Variants in LZTR1 observed in about 807,000 individuals in gnomAD.
LZTR1 encodes the protein leucine-zipper-like transcriptional regulator 1.
A neutral mutation model predicts 105.7 loss-of-function variants in LZTR1; 260 were observed. The ratio of observed to expected loss-of-function variants is 2.46; its 90% CI spans 2.22 to 2.72. The LOEUF is 2.72. Ranked by LOEUF, LZTR1 falls within the 30% of genes most tolerant of loss-of-function variation. The probability of loss-of-function intolerance (pLI) is 0.00; values close to 1 mark genes in which losing one functional copy is unlikely to be tolerated. For missense variants in LZTR1, 1,214 were observed against 1,166.9 expected, an observed-to-expected ratio of 1.04 and a Z score of -0.59; for synonymous variants, 490 against 476.4, an observed-to-expected ratio of 1.03 and a Z score of -0.37.
chr22:20,997,781 G>A lies in LZTR1; in HGVS notation c.*433G>A, dbSNP rs1006795349. 2.4e-5 allele frequency: 4 copies of A among 169,356 alleles called. No individual in the cohort carries two copies. The highest frequency in any genetic ancestry group is 3.9e-5 in the Non-Finnish European group (3 of 77,910). The allele number at this position is 169,356 out of a possible 1,614,324, so 10.5% of individuals were successfully genotyped here. A position where few individuals can be genotyped will look rare whatever the true frequency, so the allele number is the denominator to read the frequency against. ...GCGGGAGGAGGCTTAGCAGACTTGC[G>A]CTGCACCAGCGAATCTGCCTGGGCT... On this transcript the variant is annotated 3_prime_UTR_variant, in exon 21 of 21. Transcript: ENST00000646124.
In LZTR1 at chr22:20,993,926, G is replaced by A. The variant is rs1303355542; in HGVS notation, c.1356G>A (p.Lys452=). ...CCAGTGCATCATTCTTTGTGCAGAA[G>A]GAGGAGTGCGTGCAGGGCCACGTAG... The part of the protein sequence containing the change: ...FCDVEFVLGE[K]EECVQGHVAI... Residue 452 remains lysine (K), a splice_region_variant and synonymous_variant, in exon 13 of 21, where the codon AAG becomes AAA. Coordinates refer to ENST00000646124, the MANE Select transcript of LZTR1 (RefSeq NM_006767.4). 6.2e-7 allele frequency: 1 copy of A among 1,611,678 alleles called. No individual in the cohort carries two copies. The highest frequency in any genetic ancestry group is 2.2e-5 in the East Asian group (1 of 44,866).
rs757928335 is a variant in LZTR1 at position 20,994,958 on chromosome 22, T to C, written c.1874T>C (p.Ile625Thr). 2.5e-6 allele frequency: 4 copies of C among 1,612,488 alleles called. No homozygotes were observed. The highest frequency in any genetic ancestry group is 3.3e-5 in the Admixed American group (2 of 60,024). Reference protein sequence around the residue: ...KEFERLSSPLIVEIVRRKQQP... With the variant: ...KEFERLSSPLTVEIVRRKQQP... The stretch of plus-strand genomic sequence containing the variant: ...TTCGAGCGCCTCTCCTCTCCACTGA[T>C]AGTGGAGATTGTGCGGCGGAAGCAG... The change falls in exon 16 of 21, where the codon ATA (isoleucine) becomes ACA (threonine). Residue 625 changes from isoleucine to threonine, a missense_variant. Coordinates refer to ENST00000646124, the MANE Select transcript of LZTR1 (RefSeq NM_006767.4).
intron 2 of LZTR1, among the ~76,000 whole-genome samples, chr22:20,983,765 A>G (rs1254373133): frequency 6.6e-6 from 1 of 152,206 alleles, no homozygotes; most frequent in Admixed American, 6.5e-5. Context: ...GGACCCCACC[A>G]GGATCTGCAT....
Position 20,997,671 on chromosome 22 carries a change from C to T in LZTR1, c.*323C>T. ...GTGGGGAGAGACTTTGGGCCTCCCA[C>T]CCAGTGGGGCTTGGCCTGGCTTCTG... On this transcript the variant is annotated 3_prime_UTR_variant, in exon 21 of 21. Transcript: ENST00000646124. The T allele has an allele frequency of 4.1e-6, 1 of 242,596 alleles. No individual in the cohort carries two copies. Among genetic ancestry groups the T allele is most frequent in the Non-Finnish European group, 8.2e-6 (1 of 121,914 alleles). The allele number at this position is 242,596 out of a possible 1,614,324, so 15.0% of individuals were successfully genotyped here.
Position 20,996,045 on chromosome 22 carries a change from C to G in LZTR1, c.2152C>G (p.Gln718Glu), listed in dbSNP as rs767482247. ...ISIGEMVPSRQAFESMLRYIY... is the reference protein window; with the variant it reads ...ISIGEMVPSREAFESMLRYIY... ...CATCGGGGAGATGGTGCCCAGCAGG[C>G]AGGCCTTCGAGTCCATGCTGCGCTA... The change falls in exon 18 of 21, where the codon CAG (glutamine) becomes GAG (glutamate). Residue 718 changes from glutamine (Q) to glutamate (E), a missense_variant. Gln to Glu is a conservative substitution (Grantham distance 29). Coordinates refer to ENST00000646124, the MANE Select transcript of LZTR1 (RefSeq NM_006767.4). 6.2e-7 allele frequency: 1 copy of G among 1,613,572 alleles called. No individual in the cohort carries two copies. The highest frequency in any genetic ancestry group is 8.5e-7 in the Non-Finnish European group (1 of 1,180,008).
In LZTR1 at chr22:20,994,903, C is replaced by T. The variant is rs1197801948; in HGVS notation, c.1819C>T (p.His607Tyr). ...CCTGAACTTCGTGGTAAAGGAGTCCCACTTCAACCAGGTGATCATGATGAA... is the reference window on the plus strand; with the variant it reads ...CCTGAACTTCGTGGTAAAGGAGTCCTACTTCAACCAGGTGATCATGATGAA... ...HCLNFVVKESHFNQVIMMKEF... is the reference protein window; with the variant it reads ...HCLNFVVKESYFNQVIMMKEF... Residue 607 changes from histidine (H) to tyrosine (Y), a missense_variant, in exon 16 of 21, where the codon CAC becomes TAC. Physicochemically the swap from His to Tyr is moderately conservative, Grantham distance 83 (BLOSUM62 2). Coordinates refer to ENST00000646124, the MANE Select transcript of LZTR1 (RefSeq NM_006767.4). 1 of 1,613,302 alleles carries T rather than the reference C, an allele frequency of 6.2e-7. No homozygotes were observed. Among genetic ancestry groups the T allele is most frequent in the Non-Finnish European group, 8.5e-7 (1 of 1,180,006 alleles).
chr22:20,988,255 C>A lies in LZTR1; in HGVS notation c.509+137C>A, dbSNP rs1924472131. The A allele has an allele frequency of 6.3e-6, 4 of 631,028 alleles. No homozygotes were observed. The East Asian group carries it at 8.2e-5, about 13-fold the overall frequency. 39.1% of individuals were successfully genotyped at this position (631,028 alleles called of 1,614,324 possible). A position where few individuals can be genotyped will look rare whatever the true frequency, so the allele number is the denominator to read the frequency against. ...GGGAGCTTGGGATTGGTGGAATATCCCCCGGTGCAGCTATGCATGGCCTGC... is the reference window on the plus strand; with the variant it reads ...GGGAGCTTGGGATTGGTGGAATATCACCCGGTGCAGCTATGCATGGCCTGC... On this transcript the variant is annotated intron_variant, in intron 5 of 20. Coordinates refer to ENST00000646124, the MANE Select transcript of LZTR1 (RefSeq NM_006767.4).
In LZTR1 at chr22:20,992,879, G is replaced by A. The variant is rs935736801; in HGVS notation, c.1235G>A (p.Arg412His). 3.7e-6 allele frequency: 6 copies of A among 1,607,192 alleles called. No individual in the cohort carries two copies. The highest frequency in any genetic ancestry group is 1.3e-5 in the African/African-American group (1 of 74,952). The change falls in exon 11 of 21, where the codon CGC becomes CAC. Residue 412 changes from arginine to histidine, a missense_variant. Transcript: ENST00000646124. ...GGGGGCACGGTGGACAACAACATCC[G>A]CAGCGGGGAGATGTACAGGTTCCAG... is the stretch of plus-strand genomic sequence containing the variant. ...IFGGTVDNNI[R>H]SGEMYRFQFS...
At chr22:20,989,818 T>C (rs774185752) in intron 7 of LZTR1, 136 bp downstream of exon 7, 144 of 947,804 alleles carry the variant, frequency 1.5e-4, no homozygotes, top group Non-Finnish European at 1.9e-4. Context: ...GGAGCCAGGC[T>C]GGGGGTCGAG....
chr22:20,995,080 CG>C, intron 16 of LZTR1, 54 bp downstream of exon 16: 1 of 1,555,698 alleles, frequency 6.4e-7, no homozygotes, highest in South Asian at 1.2e-5. Flanking sequence ...TGTTCATCTG[CG>C]GTAGGAGATT....
Position 20,995,269 on chromosome 22 carries a change from G to A in LZTR1, c.1942+243G>A. 4.4e-6 allele frequency: 3 copies of A among 687,254 alleles called. No individual in the cohort carries two copies. The Admixed American group carries it at 6.1e-5, about 14-fold the overall frequency. 42.6% of individuals were successfully genotyped at this position (687,254 alleles called of 1,614,324 possible). A position where few individuals can be genotyped will look rare whatever the true frequency, so the allele number is the denominator to read the frequency against. On this transcript the variant is annotated intron_variant, in intron 16 of 20. Transcript: ENST00000646124. ...GGATTTCCTGAGCCAATTTCTGGGG[G>A]TGGACATGGGGCACCTCTTTCGGGC...
chr22:20,994,957 A>G lies in LZTR1; in HGVS notation c.1873A>G (p.Ile625Val). Residue 625 changes from isoleucine (I) to valine (V), a missense_variant, in exon 16 of 21, where the codon ATA (isoleucine) becomes GTA (valine). By Grantham distance (29) the Ile-to-Val change is conservative (BLOSUM62 3). Transcript: ENST00000646124. ...KEFERLSSPL[I>V]VEIVRRKQQP... ...GTTCGAGCGCCTCTCCTCTCCACTGATAGTGGAGATTGTGCGGCGGAAGCA... is the reference window on the plus strand; with the variant it reads ...GTTCGAGCGCCTCTCCTCTCCACTGGTAGTGGAGATTGTGCGGCGGAAGCA... 6.2e-7 allele frequency: 1 copy of G among 1,612,610 alleles called. No homozygotes were observed. Among genetic ancestry groups the G allele is most frequent in the Non-Finnish European group, 8.5e-7 (1 of 1,179,360 alleles).
At position 20,993,764 on chromosome 22, in the gene LZTR1, T is replaced by C. The variant is rs1924692112; in HGVS notation, c.1353+10T>C. On this transcript the variant is annotated intron_variant, in intron 12 of 20. Coordinates refer to ENST00000646124, the MANE Select transcript of LZTR1 (RefSeq NM_006767.4). ...GTTCGTGCTGGGTGAGGTGGGTGCCTGTCCTCGCACCCTGCTCTGCCTGCT... is the reference window on the plus strand; with the variant it reads ...GTTCGTGCTGGGTGAGGTGGGTGCCCGTCCTCGCACCCTGCTCTGCCTGCT... 3 of 1,609,674 alleles carry C rather than the reference T, an allele frequency of 1.9e-6. No individual in the cohort carries two copies. The highest frequency in any genetic ancestry group is 2.5e-6 in the Non-Finnish European group (3 of 1,177,968).
In LZTR1 at chr22:20,992,841, C is replaced by T; in HGVS notation, c.1197C>T (p.Ala399=). ...ACGCGGCTGCTGTCATCTCGGACGC[C>T]ATGTACATCTTCGGGGGCACGGTGG... The part of the protein sequence containing the change: ...LFHAAAVISD[A]MYIFGGTVDN... The change falls in exon 11 of 21, where the codon GCC becomes GCT. Residue 399 remains alanine, a synonymous_variant. Coordinates refer to ENST00000646124, the MANE Select transcript of LZTR1 (RefSeq NM_006767.4). The T allele has an allele frequency of 6.2e-7, 1 of 1,610,034 alleles. No individual in the cohort carries two copies. Among genetic ancestry groups the T allele is most frequent in the Non-Finnish European group, 8.5e-7 (1 of 1,178,344 alleles).
At position 20,989,687 on chromosome 22, in the gene LZTR1, G is replaced by A. The variant is rs766055427; in HGVS notation, c.651+5G>A. 6.5e-7 allele frequency: 1 copy of A among 1,547,084 alleles called. No individual in the cohort carries two copies. The highest frequency in any genetic ancestry group is 1.1e-5 in the South Asian group (1 of 89,526). ...GAGCTCACCTGCTGGGAGGAGGTGA[G>A]GGGCGTGGGGAGCCAGGGCGCAGGT... On this transcript the variant is annotated splice_donor_5th_base_variant and intron_variant, in intron 7 of 20. Coordinates refer to ENST00000646124, the MANE Select transcript of LZTR1 (RefSeq NM_006767.4).
intron 20 of LZTR1, 29 bp from the exon 21 acceptor site, chr22:20,997,203 C>T (rs557006054): frequency 1.4e-6 from 2 of 1,462,824 alleles, no homozygotes; most frequent in South Asian, 2.3e-5. Flanking sequence ...GATCTGGTCC[C>T]ATCTCCTTCC....
rs1264627875 is a variant in LZTR1 at position 20,994,010 on chromosome 22, G to A, written c.1440G>A (p.Arg480=). The change falls in exon 13 of 21, where the codon AGG becomes AGA. Residue 480 remains arginine (R), a synonymous_variant. Coordinates refer to ENST00000646124, the MANE Select transcript of LZTR1 (RefSeq NM_006767.4). ...LRRKITQARE[R]LAQKLEQEAA... ...GGAAGATCACGCAGGCGCGGGAGAGGCTGGCCCAGGTGAGGTGCCTAACCG... is the reference window on the plus strand; with the variant it reads ...GGAAGATCACGCAGGCGCGGGAGAGACTGGCCCAGGTGAGGTGCCTAACCG... The A allele has an allele frequency of 1.2e-6, 2 of 1,607,852 alleles. No individual in the cohort carries two copies. Among genetic ancestry groups the A allele is most frequent in the South Asian group, 1.1e-5 (1 of 90,026 alleles).
chr22:20,993,979 T>A lies in LZTR1; in HGVS notation c.1409T>A (p.Leu470His). 1 of 1,612,442 alleles carries A rather than the reference T, an allele frequency of 6.2e-7. No homozygotes were observed. Among genetic ancestry groups the A allele is most frequent in the Non-Finnish European group, 8.5e-7 (1 of 1,179,818 alleles). Residue 470 changes from leucine (L) to histidine (H), a missense_variant, in exon 13 of 21, where the codon CTT (leucine) becomes CAT (histidine). Leu to His is a moderately conservative substitution (Grantham distance 99). Coordinates refer to ENST00000646124, the MANE Select transcript of LZTR1 (RefSeq NM_006767.4). ...VAIVTARSRW[L>H]RRKITQARER... ...ATTGTCACAGCGCGGAGCCGCTGGC[T>A]TCGCAGGAAGATCACGCAGGCGCGG... is the stretch of plus-strand genomic sequence containing the variant.
At chr22:20,987,274 A>G (rs1336527612) in intron 3 of LZTR1, 5 of 464,526 alleles carry the variant, frequency 1.1e-5, no homozygotes, top group Non-Finnish European at 1.9e-5. Context: ...GGTGCCTGTA[A>G]TCCCAGCTAC....
Sources: allele counts gnomAD v4.1 joint callset (sites outside exome capture counted in the v4.1 genomes callset), GRCh38; gene constraint gnomAD v4.1.1; transcripts MANE v1.5; gene names NCBI Gene and HGNC (gene_info 2026-07-23, HGNC 2026-07-21).